Variants in SENP2 observed in about 807,000 individuals in gnomAD.
SENP2 encodes SUMO specific peptidase 2.
In SENP2, 16 loss-of-function variants were observed where a neutral mutation model predicts 86.3. That is an observed-to-expected ratio of 0.19 (90% CI 0.13 to 0.28). SENP2 has a LOEUF of 0.28. SENP2 is among the 10% of genes least tolerant of loss of function. The pLI is 1.00. For synonymous variants in SENP2, 222 were observed against 238.7 expected (o/e 0.93, Z 0.64); for missense variants, 552 against 703.0 (o/e 0.79, Z 2.43).
intron 4 of SENP2, among the ~76,000 whole-genome samples, chr3:185,599,293 A>G (rs902744801): frequency 6.6e-6 from 1 of 152,234 alleles, no homozygotes; most frequent in African/African-American, 2.4e-5. Context: ...CAAAAAAGCA[A>G]AAACATTTCC....
chr3:185,597,642 C>T (rs1268897266), intron 2 of SENP2, among the ~76,000 whole-genome samples: 1 of 151,562 alleles, frequency 6.6e-6, no homozygotes, highest in Non-Finnish European at 1.5e-5. Context: ...CAGTCAAGAG[C>T]CACAAGTCTG....
At chr3:185,616,558 G>T (rs987939956) in intron 11 of SENP2, among the ~76,000 whole-genome samples, 10 of 151,568 alleles carry the variant, frequency 6.6e-5, no homozygotes, top group African/African-American at 9.7e-5. Flanking sequence ...GGCAGATCAC[G>T]AGGTCAGGAG....
chr3:185,621,225 GA>G (rs1381571364), intron 13 of SENP2, among the ~76,000 whole-genome samples: 2 of 42,040 alleles, frequency 4.8e-5, no homozygotes, highest in Non-Finnish European at 9.0e-5. Flanking sequence ...CAGATATAAA[GA>G]AAGCAAAAAA....
chr3:185,623,973 A>G (rs763524799), intron 14 of SENP2, 25 bp from the exon 15 acceptor site: 4 of 1,388,150 alleles, frequency 2.9e-6, no homozygotes, highest in Non-Finnish European at 4.1e-6. Context: ...TTATTGATGT[A>G]TTCCTTCTTT....
At chr3:185,602,898 T>C (rs1722392958) in intron 5 of SENP2, among the ~76,000 whole-genome samples, 1 of 139,946 alleles carries the variant, frequency 7.1e-6, no homozygotes, top group East Asian at 2.2e-4. Flanking sequence ...TCAAAATATC[T>C]CCTTACACGT....
intron 2 of SENP2, 50 bp downstream of exon 2, chr3:185,590,219 T>C (rs548856806): frequency 2.0e-5 from 19 of 964,868 alleles, no homozygotes; most frequent in Middle Eastern, 3.0e-4. Flanking sequence ...AGGAAAAATA[T>C]ATGCATGGAA....
intron 12 of SENP2, 118 bp downstream of exon 12, chr3:185,617,729 A>G: frequency 1.3e-6 from 1 of 777,042 alleles, no homozygotes; most frequent in Non-Finnish European, 2.0e-6. Context: ...AGTTATAATT[A>G]AAACAAAAAC....
chr3:185,609,203 A>G (rs1429406743), intron 6 of SENP2, 44 bp from the exon 7 acceptor site: 2 of 1,385,412 alleles, frequency 1.4e-6, no homozygotes, highest in Non-Finnish European at 2.0e-6. Context: ...TTAATTATAA[A>G]TTTAATGTGC....
intron 13 of SENP2, among the ~76,000 whole-genome samples, chr3:185,620,321 C>T (rs1053080509): frequency 5.9e-5 from 9 of 152,152 alleles, no homozygotes; most frequent in Non-Finnish European, 5.9e-5. Flanking sequence ...AAGCAGTCCT[C>T]CCACCTCAGC....
At chr3:185,592,034 T>TTTTTTTTTTTTTTA (rs1722024459) in intron 2 of SENP2, among the ~76,000 whole-genome samples, 5 of 114,586 alleles carry the variant, frequency 4.4e-5, no homozygotes, top group Non-Finnish European at 7.2e-5. Flanking sequence ...TTTTTTTTTT[T>TTTTTTTTTTTTTTA]GAGACAGGAT....
chr3:185,594,165 TAAA>T (rs1342038449), intron 2 of SENP2, among the ~76,000 whole-genome samples: 10 of 147,728 alleles, frequency 6.8e-5, no homozygotes, highest in Non-Finnish European at 1.2e-4. Flanking sequence ...TGGATGTGGT[TAAA>T]AAAAAAAAAC....
At chr3:185,607,702 T>TA (rs1271658500) in intron 6 of SENP2, among the ~76,000 whole-genome samples, 1 of 152,116 alleles carries the variant, frequency 6.6e-6, no homozygotes, top group Non-Finnish European at 1.5e-5. Flanking sequence ...AGTTTTTTTT[T>TA]ATATATAGAG....
At position 185,631,207 on chromosome 3, in the gene SENP2, C is replaced by T. The variant is rs1401941264; in HGVS notation, c.*1363C>T. On this transcript the variant is annotated 3_prime_UTR_variant, in exon 17 of 17. Transcript: ENST00000296257. ...ACTGGAAAAATTGTGCACGTGTTAC[C>T]TATGAATCTACACGCCTGCCATTTG... 1.3e-5 allele frequency: 2 copies of T among 151,274 alleles called. No homozygotes were observed. The highest frequency in any genetic ancestry group is 3.9e-4 in the East Asian group (2 of 5,072). 9.4% of individuals were successfully genotyped at this position (151,274 alleles called of 1,614,324 possible). A position where few individuals can be genotyped will look rare whatever the true frequency, so the allele number is the denominator to read the frequency against.
At chr3:185,606,848 G>A (rs1722530794) in intron 6 of SENP2, 3 of 491,654 alleles carry the variant, frequency 6.1e-6, no homozygotes, top group South Asian at 1.6e-5. Context: ...AGTATTGAAG[G>A]CACAGACACA....
At chr3:185,621,386 C>CTTTTTTTTTTTT (rs1220771289) in intron 13 of SENP2, among the ~76,000 whole-genome samples, 18 of 78,772 alleles carry the variant, frequency 2.3e-4, no homozygotes, top group Non-Finnish European at 3.5e-4. Context: ...TCTTTTTTTT[C>CTTTTTTTTTTTT]TTTTTTTTTT....
chr3:185,592,165 A>G (rs1211434593), intron 2 of SENP2, among the ~76,000 whole-genome samples: 3 of 151,104 alleles, frequency 2.0e-5, no homozygotes, highest in African/African-American at 7.3e-5. Context: ...TGCAGTCTCA[A>G]ACTCCTGGGC....
In SENP2 at chr3:185,629,853, T is replaced by G. The variant is rs1359543459; in HGVS notation, c.*9T>G. The G allele has an allele frequency of 6.2e-7, 1 of 1,613,824 alleles. No individual in the cohort carries two copies. Among genetic ancestry groups the G allele is most frequent in the African/African-American group, 1.3e-5 (1 of 74,942 alleles). On this transcript the variant is annotated 3_prime_UTR_variant, in exon 17 of 17. Coordinates refer to ENST00000296257, the MANE Select transcript of SENP2 (RefSeq NM_021627.3). Reference sequence around the variant, plus strand: ...ATCAGCAGTTGCTGTGAGAAAACTTTGCCTGGTCCCTCTAGCTGCTGGTGG... The same window carrying G: ...ATCAGCAGTTGCTGTGAGAAAACTTGGCCTGGTCCCTCTAGCTGCTGGTGG...
At chr3:185,611,918 A>G (rs1050261119) in intron 8 of SENP2, among the ~76,000 whole-genome samples, 173 bp downstream of exon 8, 4 of 152,138 alleles carry the variant, frequency 2.6e-5, no homozygotes, top group Non-Finnish European at 5.9e-5. Context: ...GCACTTTGGG[A>G]GGCCAAGGCA....
At chr3:185,589,582 C>G (rs1721910373) in intron 1 of SENP2, among the ~76,000 whole-genome samples, 3 of 152,198 alleles carry the variant, frequency 2.0e-5, no homozygotes, top group Non-Finnish European at 2.9e-5. Context: ...TTGTTTCTCT[C>G]TCAAATAGTT....
Sources: gnomAD v4.1 joint callset for allele counts (sites outside exome capture counted in the v4.1 genomes callset) on GRCh38, gnomAD v4.1.1 for gene constraint, MANE v1.5 for transcripts, NCBI Gene and HGNC (gene_info 2026-07-23, HGNC 2026-07-21) for gene names.